The following ZFAT variants were observed in gnomAD, a reference collection of about 807,000 sequenced individuals.
ZFAT encodes zinc finger and AT-hook domain containing.
ZFAT carries 64 observed loss-of-function variants against 117.7 expected under a neutral mutation model. The observed-to-expected ratio is 0.54, with a 90% confidence interval of 0.44 to 0.67. The LOEUF is 0.67. Ranked by LOEUF, ZFAT falls within the 30% of genes least tolerant of loss-of-function variation. The pLI is 0.00. For missense variants in ZFAT, 1,433 were observed against 1,584.5 expected (o/e 0.90, Z 1.62); for synonymous variants, 679 against 615.0 (o/e 1.10, Z -1.54).
chr8:134,590,537 AC>A (rs920316056), intron 7 of ZFAT, among the ~76,000 whole-genome samples, 182 bp from the exon 8 acceptor site: 1 of 149,244 alleles, frequency 6.7e-6, no homozygotes, highest in Non-Finnish European at 1.5e-5. Context: ...CACCACTAGC[AC>A]TATCAACAGT....
chr8:134,478,832 C>G lies in ZFAT; in HGVS notation c.3493-111G>C. On this transcript the variant is annotated intron_variant, in intron 15 of 15. Transcript: ENST00000377838. This position sits in a 1 kb window ranked among gnomAD's most constrained non-coding sequence, Gnocchi z 5.2. The stretch of plus-strand genomic sequence containing the variant: ...GCACCAGTGCGCTGCGGGAGCACGT[C>G]CATTCTCCACGGATCCTCTCTACCA... 1.4e-6 allele frequency: 2 copies of G among 1,419,368 alleles called. No homozygotes were observed. The highest frequency in any genetic ancestry group is 2.8e-5 in the South Asian group (2 of 72,526). 87.9% of individuals were successfully genotyped at this position (1,419,368 alleles called of 1,614,324 possible).
chr8:134,652,603 G>A (rs746042325), intron 2 of ZFAT, among the ~76,000 whole-genome samples: 2 of 152,078 alleles, frequency 1.3e-5, no homozygotes, highest in South Asian at 4.1e-4. Context: ...TCAATAAAGA[G>A]CAAACAAAAA....
At chr8:134,557,839 T>C (rs928402032) in intron 11 of ZFAT, among the ~76,000 whole-genome samples, 2 of 152,236 alleles carry the variant, frequency 1.3e-5, no homozygotes, top group Non-Finnish European at 2.9e-5. Context: ...CACAGGTACA[T>C]AATTCACATA....
At chr8:134,673,689 GA>G (rs1194066659) in intron 1 of ZFAT, among the ~76,000 whole-genome samples, 4 of 152,048 alleles carry the variant, frequency 2.6e-5, no homozygotes, top group Admixed American at 1.3e-4. Flanking sequence ...TGTGTAGTTT[GA>G]ATGTATTTGA....
chr8:134,658,889 G>C (rs1831783083), intron 1 of ZFAT, among the ~76,000 whole-genome samples: 1 of 152,200 alleles, frequency 6.6e-6, no homozygotes, highest in African/African-American at 2.4e-5. Flanking sequence ...GAATCCATAG[G>C]AACTTTGGGG....
the ZFAT span, among the ~76,000 whole-genome samples, chr8:134,749,386 A>T: frequency 1.1e-3 from 163 of 152,334 alleles, no homozygotes; most frequent in African/African-American, 3.7e-3. Flanking sequence ...GTCCAAGATC[A>T]AGTTGCCAAC....
Position 134,637,501 on chromosome 8 carries a change from G to C in ZFAT, c.408C>G (p.Cys136Trp). 6.2e-7 allele frequency: 1 copy of C among 1,613,992 alleles called. No individual in the cohort carries two copies. Among genetic ancestry groups the C allele is most frequent in the Non-Finnish European group, 8.5e-7 (1 of 1,179,842 alleles). The change falls in exon 3 of 16, where the codon TGC becomes TGG. Residue 136 changes from cysteine (C) to tryptophan (W), a missense_variant. Cys to Trp is a radical substitution (Grantham distance 215). Coordinates refer to ENST00000377838, the MANE Select transcript of ZFAT (RefSeq NM_020863.4). ...SNTRQLRKHICIIVLNLGEEE... is the reference protein window; with the variant it reads ...SNTRQLRKHIWIIVLNLGEEE... ...CCTCACCCAAATTCAGCACGATAATGCAGATGTGCTTCCGCAGCTGGCGCG... is the reference window on the plus strand; with the variant it reads ...CCTCACCCAAATTCAGCACGATAATCCAGATGTGCTTCCGCAGCTGGCGCG...
the ZFAT span, among the ~76,000 whole-genome samples, chr8:134,768,752 G>A: frequency 1.9e-4 from 29 of 152,274 alleles, no homozygotes; most frequent in Admixed American, 4.6e-4. Context: ...TTTGGGTGGG[G>A]ACACAGTCAA....
chr8:134,661,074 G>A (rs1831901257), intron 1 of ZFAT, among the ~76,000 whole-genome samples: 1 of 152,258 alleles, frequency 6.6e-6, no homozygotes, highest in Non-Finnish European at 1.5e-5. Flanking sequence ...GCCACGTGAC[G>A]TGGGCCATGA....
intron 1 of ZFAT, among the ~76,000 whole-genome samples, chr8:134,690,071 G>A (rs895065936): frequency 6.6e-6 from 1 of 152,216 alleles, no homozygotes; most frequent in African/African-American, 2.4e-5. Flanking sequence ...TCAACAGCCA[G>A]TGTGTTATTT....
chr8:134,737,469 A>G, the ZFAT span, among the ~76,000 whole-genome samples: 2 of 152,208 alleles, frequency 1.3e-5, no homozygotes, highest in Admixed American at 1.3e-4. Context: ...AACTTAAGCC[A>G]GGGCTCTGTG....
At chr8:134,670,253 T>C (rs1024742599) in intron 1 of ZFAT, among the ~76,000 whole-genome samples, 3 of 152,226 alleles carry the variant, frequency 2.0e-5, no homozygotes, top group African/African-American at 7.2e-5. Context: ...CAAGTGGACC[T>C]AGTAGACATC....
At chr8:134,562,617 T>C (rs761922203) in intron 11 of ZFAT, among the ~76,000 whole-genome samples, 14 of 152,182 alleles carry the variant, frequency 9.2e-5, no homozygotes, top group Non-Finnish European at 1.6e-4. Context: ...TTCCCATCTA[T>C]AGTACCACTC....
chr8:134,785,708 G>GCATCACGTCTATC, the ZFAT span: 2 of 151,820 alleles, frequency 1.3e-5, no homozygotes, highest in South Asian at 2.1e-4. Flanking sequence ...CATCACAAGG[G>GCATCACGTCTATC]CTGTGTTATC....
At chr8:134,612,883 T>C (rs1828445105) in intron 3 of ZFAT, among the ~76,000 whole-genome samples, 1 of 152,224 alleles carries the variant, frequency 6.6e-6, no homozygotes, top group East Asian at 1.9e-4. Context: ...TCAAAGTCAC[T>C]GGCAGTGCCT....
chr8:134,772,783 G>A, the ZFAT span, among the ~76,000 whole-genome samples: 1 of 152,144 alleles, frequency 6.6e-6, no homozygotes, highest in Non-Finnish European at 1.5e-5. Context: ...TCAAAGGGGT[G>A]GATGTGGTGG....
chr8:134,616,716 C>T (rs1263787558), intron 3 of ZFAT, among the ~76,000 whole-genome samples: 1 of 152,194 alleles, frequency 6.6e-6, no homozygotes, highest in Non-Finnish European at 1.5e-5. Flanking sequence ...TTCAGTCATG[C>T]CGTGAGCTTG....
chr8:134,663,983 T>C (rs918383249), intron 1 of ZFAT, among the ~76,000 whole-genome samples: 1 of 152,112 alleles, frequency 6.6e-6, no homozygotes, highest in Admixed American at 6.5e-5. Context: ...ATGAAGACCG[T>C]GAGCAGAGGA....
chr8:134,649,020 GA>G (rs1025637883), intron 2 of ZFAT, among the ~76,000 whole-genome samples: 2 of 150,510 alleles, frequency 1.3e-5, no homozygotes, highest in South Asian at 2.1e-4. Context: ...CAACAAATAA[GA>G]AAAAAAACCA....
Sources: allele counts gnomAD v4.1 joint callset (sites outside exome capture counted in the v4.1 genomes callset), GRCh38; gene constraint gnomAD v4.1.1; non-coding constraint Gnocchi (gnomAD v3.1); transcripts MANE v1.5; gene names NCBI Gene and HGNC (gene_info 2026-07-23, HGNC 2026-07-21).